The following GRIP1 variants were observed in gnomAD, a reference collection of about 807,000 sequenced individuals.
The protein encoded by GRIP1 is glutamate receptor interacting protein 1.
GRIP1 carries 45 observed loss-of-function variants against 129.9 expected under a neutral mutation model. The ratio of observed to expected loss-of-function variants is 0.35; its 90% CI spans 0.27 to 0.44. The LOEUF (loss-of-function observed/expected upper bound fraction) is 0.44, where lower values mean the gene tolerates loss of function less well. Ranked by LOEUF, GRIP1 falls within the 20% of genes least tolerant of loss-of-function variation. The pLI is 1.00. For missense variants in GRIP1, 1,196 were observed against 1,396.8 expected (o/e 0.86, Z 2.29); for synonymous variants, 530 against 520.8 (o/e 1.02, Z -0.24).
At chr12:66,455,352 C>T (rs1592355003) in intron 11 of GRIP1, 57 bp downstream of exon 11, 2 of 1,503,890 alleles carry the variant, frequency 1.3e-6, no homozygotes, top group Non-Finnish European at 1.9e-6. Context: ...ATTTTCAAGG[C>T]TCCATTGCCC....
intron 1 of GRIP1, among the ~76,000 whole-genome samples, chr12:67,049,318 G>C (rs774385): frequency 6.6e-6 from 1 of 152,116 alleles, no homozygotes; most frequent in African/African-American, 2.4e-5. Context: ...TTTTGCCTCC[G>C]ACATCTTAGC....
At chr12:66,665,039 G>A (rs1408792354) in intron 1 of GRIP1, among the ~76,000 whole-genome samples, 1 of 151,852 alleles carries the variant, frequency 6.6e-6, no homozygotes, top group Non-Finnish European at 1.5e-5. Flanking sequence ...TTTTAGACAG[G>A]GTCTTGCTGT....
chr12:66,636,751 G>GTGTC (rs1271156210), intron 1 of GRIP1, among the ~76,000 whole-genome samples: 1 of 135,866 alleles, frequency 7.4e-6, no homozygotes, highest in Non-Finnish European at 1.7e-5. Flanking sequence ...GTGTGTGTGT[G>GTGTC]TGTCTCACTC....
intron 1 of GRIP1, among the ~76,000 whole-genome samples, chr12:66,697,803 G>A (rs2035216312): frequency 6.6e-6 from 1 of 152,138 alleles, no homozygotes; most frequent in African/African-American, 2.4e-5. Flanking sequence ...CTCTTTGTAG[G>A]AAGTTCTGGC....
At chr12:66,933,874 G>A (rs1006904453) in intron 1 of GRIP1, among the ~76,000 whole-genome samples, 7 of 152,084 alleles carry the variant, frequency 4.6e-5, no homozygotes, top group Admixed American at 3.9e-4. Context: ...TTACATAATA[G>A]TACTCAGGGA....
intron 1 of GRIP1, among the ~76,000 whole-genome samples, chr12:66,728,246 C>T (rs1422702196): frequency 6.6e-6 from 1 of 152,170 alleles, no homozygotes; most frequent in Admixed American, 6.5e-5. Context: ...GACAGATTAT[C>T]CAAATTAATG....
At chr12:66,529,661 A>T (rs770445097) in intron 5 of GRIP1, among the ~76,000 whole-genome samples, 170 bp downstream of exon 5, 3 of 152,170 alleles carry the variant, frequency 2.0e-5, no homozygotes, top group Non-Finnish European at 4.4e-5. Flanking sequence ...TGAGGAATAA[A>T]AGGCTACAAA....
intron 1 of GRIP1, among the ~76,000 whole-genome samples, chr12:66,836,155 T>C (rs1420452298): frequency 6.6e-6 from 1 of 152,188 alleles, no homozygotes; most frequent in African/African-American, 2.4e-5. Context: ...CCTCCTGCTG[T>C]GTTTCAGGAT....
chr12:66,723,933 T>A (rs1298503707), intron 1 of GRIP1, among the ~76,000 whole-genome samples: 1 of 152,086 alleles, frequency 6.6e-6, no homozygotes, highest in Non-Finnish European at 1.5e-5. Flanking sequence ...AAAGATGAGT[T>A]AGGAAATAAT....
chr12:66,373,929 T>C (rs2055658562), intron 22 of GRIP1, among the ~76,000 whole-genome samples: 1 of 152,208 alleles, frequency 6.6e-6, no homozygotes. Context: ...CATGGAGCTC[T>C]AGTACTCTGA....
At chr12:66,556,153 AAAAG>A (rs2062324550) in intron 2 of GRIP1, among the ~76,000 whole-genome samples, 1 of 152,134 alleles carries the variant, frequency 6.6e-6, no homozygotes, top group African/African-American at 2.4e-5. Context: ...AGGCAAAGGA[AAAAG>A]AAAGAATCCT....
chr12:67,038,163 G>A (rs1233970660), intron 1 of GRIP1, among the ~76,000 whole-genome samples: 1 of 152,124 alleles, frequency 6.6e-6, no homozygotes, highest in Non-Finnish European at 1.5e-5. Flanking sequence ...ACTAAAAGCG[G>A]GGGACTTCCA....
chr12:66,625,197 T>C (rs6581708), intron 1 of GRIP1, among the ~76,000 whole-genome samples: 65,224 of 151,920 alleles, frequency 0.43, 14,298 homozygotes, highest in Middle Eastern at 0.48. Context: ...TTATTTAAGT[T>C]GCATATATTA....
intron 1 of GRIP1, among the ~76,000 whole-genome samples, chr12:67,062,538 T>C (rs2043553317): frequency 6.6e-6 from 1 of 152,156 alleles, no homozygotes; most frequent in African/African-American, 2.4e-5. Context: ...ACTTCTTTCT[T>C]CCCACCCACC....
At chr12:66,683,826 T>C (rs560892183), upstream of GRIP1, among the ~76,000 whole-genome samples, 7 of 152,278 alleles carry the variant, frequency 4.6e-5, no homozygotes, top group African/African-American at 1.2e-4. Context: ...ATAGAATATG[T>C]AGAAATTGAG....
At chr12:66,549,635 G>T (rs2062060277) in intron 2 of GRIP1, among the ~76,000 whole-genome samples, 1 of 152,058 alleles carries the variant, frequency 6.6e-6, no homozygotes, top group South Asian at 2.1e-4. Context: ...TGCATTTTCA[G>T]TCTCAGTTTT....
At chr12:66,608,107 C>T (rs2064619441) in intron 1 of GRIP1, among the ~76,000 whole-genome samples, 1 of 152,102 alleles carries the variant, frequency 6.6e-6, no homozygotes, top group African/African-American at 2.4e-5. Flanking sequence ...ACATATTTTG[C>T]TTTATTAATT....
chr12:66,741,687 G>T (rs1158914462), intron 1 of GRIP1, among the ~76,000 whole-genome samples: 1 of 152,128 alleles, frequency 6.6e-6, no homozygotes, highest in Non-Finnish European at 1.5e-5. Context: ...ATATTGGGGG[G>T]TTGCTAAGAT....
intron 1 of GRIP1, among the ~76,000 whole-genome samples, chr12:66,819,900 T>C (rs1041417201): frequency 3.9e-5 from 6 of 152,204 alleles, no homozygotes; most frequent in African/African-American, 7.2e-5. Context: ...TAAATTTCTG[T>C]GGGAACTGAT....
Sources: gnomAD v4.1 joint callset for allele counts (sites outside exome capture counted in the v4.1 genomes callset) on GRCh38, gnomAD v4.1.1 for gene constraint, MANE v1.5 for transcripts, NCBI Gene and HGNC (gene_info 2026-07-23, HGNC 2026-07-21) for gene names.